CSMD1: variants seen among roughly 807,000 people sequenced by gnomAD.
CSMD1 encodes the protein CUB and sushi domain-containing protein 1.
CSMD1 carries 213 observed loss-of-function variants against 417.5 expected under a neutral mutation model. The ratio of observed to expected loss-of-function variants is 0.51; its 90% confidence interval spans 0.46 to 0.57. The LOEUF (loss-of-function observed/expected upper bound fraction) is 0.57, where lower values mean the gene tolerates loss of function less well. Ranked by LOEUF, CSMD1 falls within the 20% of genes least tolerant of loss-of-function variation. The pLI, the probability that CSMD1 is intolerant of heterozygous loss-of-function variation, is 0.00. For missense variants in CSMD1, 6,923 were observed against 4,529.7 expected (o/e 1.53, Z -15.17); for synonymous variants, 2,862 against 1,736.8 (o/e 1.65, Z -16.11).
At chr8:3,673,402 A>ATTTGC (rs1799187116) in intron 7 of CSMD1, among the ~76,000 whole-genome samples, 1 of 152,236 alleles carries the variant, frequency 6.6e-6, no homozygotes, top group Non-Finnish European at 1.5e-5. Context: ...AGATGAAAGT[A>ATTTGC]TTTGAAGACG....
intron 1 of CSMD1, among the ~76,000 whole-genome samples, chr8:4,930,363 G>C (rs1406619583): frequency 6.6e-6 from 1 of 151,912 alleles, no homozygotes; most frequent in East Asian, 1.9e-4. Flanking sequence ...TCATTCATAG[G>C]TGCGCGCACA....
chr8:4,310,133 G>A lies in CSMD1; in HGVS notation c.415+109820C>T, dbSNP rs144687551. Among the ~76,000 whole-genome samples the A allele has an allele frequency of 2.6e-5, 4 of 152,140 alleles. No homozygotes were observed. The South Asian group carries it at 6.2e-4, about 24-fold the overall frequency. On this transcript the variant is annotated intron_variant, in intron 3 of 69. Transcript: ENST00000635120. Reference sequence around the variant, plus strand: ...TATCTCCCATTCATCCCTGCTCCTAGTAACTGCTTCACGTTTCTAACACCC... The same window carrying A: ...TATCTCCCATTCATCCCTGCTCCTAATAACTGCTTCACGTTTCTAACACCC...
intron 26 of CSMD1, among the ~76,000 whole-genome samples, chr8:3,241,446 C>G (rs1003558649): frequency 6.6e-6 from 1 of 152,152 alleles, no homozygotes; most frequent in Non-Finnish European, 1.5e-5. Context: ...TGTTGGTCTA[C>G]AGGGCTTCCG....
intron 4 of CSMD1, among the ~76,000 whole-genome samples, chr8:4,007,575 G>T (rs540397865): frequency 6.6e-6 from 1 of 151,998 alleles, no homozygotes; most frequent in African/African-American, 2.4e-5. Flanking sequence ...CTCTCGGTGC[G>T]TGCTGAGTGC....
chr8:4,363,164 C>A (rs1482198262), intron 3 of CSMD1, among the ~76,000 whole-genome samples: 1 of 152,150 alleles, frequency 6.6e-6, no homozygotes, highest in Non-Finnish European at 1.5e-5. Flanking sequence ...TCAAACATAC[C>A]TAAACAGGCT....
chr8:3,680,065 T>C (rs555094643), intron 7 of CSMD1, among the ~76,000 whole-genome samples: 1 of 151,918 alleles, frequency 6.6e-6, no homozygotes, highest in African/African-American at 2.4e-5. Context: ...TAACACTAAA[T>C]GCCCACAAGA....
At chr8:3,363,409 G>C (rs1365164514) in intron 20 of CSMD1, among the ~76,000 whole-genome samples, 1 of 152,184 alleles carries the variant, frequency 6.6e-6, no homozygotes, top group Non-Finnish European at 1.5e-5. Flanking sequence ...GTATTATATA[G>C]AAGAAAACAA....
chr8:4,332,890 A>C (rs1177491484), intron 3 of CSMD1, among the ~76,000 whole-genome samples: 1 of 151,916 alleles, frequency 6.6e-6, no homozygotes, highest in Non-Finnish European at 1.5e-5. Context: ...GAGAAAAACA[A>C]CACAATGACT....
intron 17 of CSMD1, among the ~76,000 whole-genome samples, chr8:3,392,528 C>T (rs1053640547): frequency 6.6e-6 from 1 of 152,058 alleles, no homozygotes; most frequent in Non-Finnish European, 1.5e-5. Context: ...TCCTTTAACC[C>T]TCCGTGACCT....
intron 2 of CSMD1, among the ~76,000 whole-genome samples, chr8:4,486,184 T>TATATATATACATAC (rs1801387929): frequency 2.4e-4 from 4 of 16,466 alleles, no homozygotes; most frequent in Admixed American, 5.2e-4. Flanking sequence ...TACATACATA[T>TATATATATACATAC]ATATATATAT....
intron 3 of CSMD1, among the ~76,000 whole-genome samples, chr8:4,373,480 A>T (rs1408642536): frequency 6.6e-6 from 1 of 152,154 alleles, no homozygotes; most frequent in Non-Finnish European, 1.5e-5. Context: ...TAAATCTAAA[A>T]CTGTCCTAAA....
intron 3 of CSMD1, among the ~76,000 whole-genome samples, chr8:4,213,734 G>A (rs921954849): frequency 6.6e-6 from 1 of 152,212 alleles, no homozygotes; most frequent in South Asian, 2.1e-4. Flanking sequence ...GAAAGGGTGG[G>A]AATGGGGTAG....
At chr8:4,052,315 G>T (rs906720872) in intron 3 of CSMD1, among the ~76,000 whole-genome samples, 1 of 152,298 alleles carries the variant, frequency 6.6e-6, no homozygotes, top group Non-Finnish European at 1.5e-5. Context: ...GACATTTAAT[G>T]CGTAATTATC....
At chr8:4,939,766 C>T (rs62488196) in intron 1 of CSMD1, among the ~76,000 whole-genome samples, 35,529 of 151,904 alleles carry the variant, frequency 0.23, 4,295 homozygotes, top group East Asian at 0.37. Flanking sequence ...CAGTGTACTG[C>T]CTACTTGAAA....
intron 1 of CSMD1, among the ~76,000 whole-genome samples, chr8:4,743,430 G>A (rs768949849): frequency 6.6e-5 from 10 of 152,204 alleles, no homozygotes; most frequent in African/African-American, 1.9e-4. Context: ...AAAAATGAAC[G>A]TGTGTCAAGA....
chr8:3,558,909 G>A (rs765229743), intron 10 of CSMD1, among the ~76,000 whole-genome samples: 7 of 152,120 alleles, frequency 4.6e-5, no homozygotes, highest in Non-Finnish European at 5.9e-5. Context: ...AAAGGAAAGC[G>A]TCCTGGGGCA....
chr8:4,850,382 CTTTTTTTTTTT>C, intron 1 of CSMD1, among the ~76,000 whole-genome samples: 1 of 77,826 alleles, frequency 1.3e-5, no homozygotes, highest in Non-Finnish European at 2.3e-5. Flanking sequence ...TCCAATTTAT[CTTTTTTTTTTT>C]TTTTTTTTTT....
At chr8:3,914,595 A>G (rs560373398) in intron 5 of CSMD1, among the ~76,000 whole-genome samples, 2 of 152,296 alleles carry the variant, frequency 1.3e-5, no homozygotes, top group African/African-American at 4.8e-5. Flanking sequence ...ATAAATTAAG[A>G]AAATAGTACC....
chr8:3,361,427 G>C (rs113456279), intron 20 of CSMD1, among the ~76,000 whole-genome samples: 1,711 of 151,940 alleles, frequency 0.011, 32 homozygotes, highest in African/African-American at 0.04. Flanking sequence ...AGGAGTTTGA[G>C]ACCAGACTGA....
Sources: gnomAD v4.1 joint callset for allele counts (sites outside exome capture counted in the v4.1 genomes callset) on GRCh38, gnomAD v4.1.1 for gene constraint, MANE v1.5 for transcripts, NCBI Gene and HGNC (gene_info 2026-07-23, HGNC 2026-07-21) for gene names.